DSCAML1: variants seen among roughly 807,000 people sequenced by gnomAD.
The protein encoded by DSCAML1 is cell adhesion molecule DSCAML1.
DSCAML1 carries 38 observed loss-of-function variants against 200.5 expected under a neutral mutation model. The observed-to-expected ratio is 0.19, with a 90% CI of 0.15 to 0.25. The LOEUF is 0.25. DSCAML1 is among the 10% of genes least tolerant of loss of function. DSCAML1 has a pLI of 1.00. For synonymous variants in DSCAML1, 1,215 were observed against 1,165.0 expected (o/e 1.04, Z -0.87); for missense variants, 2,223 against 2,858.8 (o/e 0.78, Z 5.07).
chr11:117,743,140 C>T (rs1332729690), intron 3 of DSCAML1, among the ~76,000 whole-genome samples: 2 of 152,140 alleles, frequency 1.3e-5, no homozygotes, highest in East Asian at 1.9e-4. Context: ...TTCTTGCCCT[C>T]GAGGCACTTC....
chr11:117,512,761 TCACACACACACACACACA>T (rs71037482), intron 8 of DSCAML1, among the ~76,000 whole-genome samples: 18 of 113,090 alleles, frequency 1.6e-4, no homozygotes, highest in African/African-American at 4.7e-4. Context: ...TCCTCTAGGA[TCACACACACACACACACA>T]CACACACACA....
intron 19 of DSCAML1, among the ~76,000 whole-genome samples, chr11:117,450,940 C>G (rs1014705606): frequency 2.0e-5 from 3 of 152,004 alleles, no homozygotes; most frequent in Non-Finnish European, 1.5e-5. Flanking sequence ...AACTGTTTGG[C>G]CAGAACCAAG....
In DSCAML1 at chr11:117,505,038, G is replaced by C. The variant is rs2049466226; in HGVS notation, c.2068C>G (p.Pro690Ala). The C allele has an allele frequency of 6.2e-7, 1 of 1,611,594 alleles. No homozygotes were observed. Among genetic ancestry groups the C allele is most frequent in the Non-Finnish European group, 8.5e-7 (1 of 1,178,652 alleles). Residue 690 changes from proline (P) to alanine (A), a missense_variant, in exon 10 of 33, where the codon CCT (proline) becomes GCT (alanine). Physicochemically the swap from Pro to Ala is conservative, Grantham distance 27 (BLOSUM62 -1). Coordinates refer to ENST00000651296, the MANE Select transcript of DSCAML1 (RefSeq NM_020693.4). The surrounding 1 kb of genome is among the most constrained non-coding windows in gnomAD (Gnocchi z 6.7). ...RERQLIVRVP[P>A]RFVVQPNNQD... ...TTGTTGGGTTGCACCACAAATCGAGGGGGCACTGCAGAAAGAGGGAAGGTA... is the reference window on the plus strand; with the variant it reads ...TTGTTGGGTTGCACCACAAATCGAGCGGGCACTGCAGAAAGAGGGAAGGTA...
chr11:117,740,435 G>C (rs904495905), intron 3 of DSCAML1, among the ~76,000 whole-genome samples: 1 of 152,158 alleles, frequency 6.6e-6, no homozygotes, highest in African/African-American at 2.4e-5. Context: ...AGGTTCTTAG[G>C]AGATGGGACT....
chr11:117,815,069 T>C (rs933625241), intron 1 of DSCAML1, among the ~76,000 whole-genome samples: 1 of 152,216 alleles, frequency 6.6e-6, no homozygotes, highest in African/African-American at 2.4e-5. Flanking sequence ...CTTTGCTTTG[T>C]CAAGTGTGTC....
At chr11:117,813,090 G>T (rs1431715036) in intron 1 of DSCAML1, among the ~76,000 whole-genome samples, 1 of 151,968 alleles carries the variant, frequency 6.6e-6, no homozygotes, top group Non-Finnish European at 1.5e-5. Context: ...ATTTTTTCAG[G>T]CTCTTAGTAT....
intron 3 of DSCAML1, among the ~76,000 whole-genome samples, chr11:117,637,397 G>C (rs979175062): frequency 1.5e-4 from 23 of 150,206 alleles, no homozygotes; most frequent in African/African-American, 5.7e-4. Context: ...CCAGGCTGGA[G>C]TGCAGTGGTG....
Position 117,438,931 on chromosome 11 carries a change from G to A in DSCAML1, c.4197C>T (p.Ile1399=). The change falls in exon 24 of 33, where the codon ATC becomes ATT. Residue 1399 remains isoleucine (I), a synonymous_variant. Transcript: ENST00000651296. ...TGTCACCTGGAATCCAGGTCAGGGT[G>A]ATGGACGAAGCTGAGGTTTTGGAGA... is the stretch of plus-strand genomic sequence containing the variant. ...LTVSKTSASS[I]TLTWIPGDNG... The A allele has an allele frequency of 6.2e-7, 1 of 1,609,894 alleles. No individual in the cohort carries two copies. Among genetic ancestry groups the A allele is most frequent in the Non-Finnish European group, 8.5e-7 (1 of 1,178,346 alleles).
At chr11:117,562,716 C>T (rs2050686868) in intron 3 of DSCAML1, among the ~76,000 whole-genome samples, 1 of 152,180 alleles carries the variant, frequency 6.6e-6, no homozygotes, top group South Asian at 2.1e-4. Context: ...CTTTTCTCCT[C>T]AGTTCCTTCT....
At chr11:117,490,446 G>A (rs1319984004) in intron 11 of DSCAML1, among the ~76,000 whole-genome samples, 2 of 152,120 alleles carry the variant, frequency 1.3e-5, no homozygotes, top group Non-Finnish European at 2.9e-5. Flanking sequence ...GAGTTCTAGG[G>A]GTCCCCAGAC....
intron 1 of DSCAML1, among the ~76,000 whole-genome samples, chr11:117,795,808 T>C (rs1421053202): frequency 1.3e-5 from 2 of 152,056 alleles, no homozygotes; most frequent in South Asian, 4.2e-4. Context: ...CAGGGCAGGG[T>C]TGGACCCCTC....
chr11:117,437,169 C>T lies in DSCAML1; in HGVS notation c.4673G>A (p.Gly1558Asp). ...ELRMRACNSA[G>D]CGNETAQFAT... ...GAACTGGGCTGTTTCATTGCCGCAGCCCGCACTGTTGCAAGCCCTCATGCG... is the reference window on the plus strand; with the variant it reads ...GAACTGGGCTGTTTCATTGCCGCAGTCCGCACTGTTGCAAGCCCTCATGCG... Residue 1558 changes from glycine (G) to aspartate (D), a missense_variant, in exon 26 of 33, where the codon GGC becomes GAC. This residue lies in a region of DSCAML1 where 614 missense variants were observed against 739.1 expected (regional missense o/e 0.83). Coordinates refer to ENST00000651296, the MANE Select transcript of DSCAML1 (RefSeq NM_020693.4). The surrounding 1 kb of genome is among the most constrained non-coding windows in gnomAD (Gnocchi z 5.3). 1 of 1,614,202 alleles carries T rather than the reference C, an allele frequency of 6.2e-7. No homozygotes were observed. Among genetic ancestry groups the T allele is most frequent in the Non-Finnish European group, 8.5e-7 (1 of 1,180,038 alleles).
intron 3 of DSCAML1, among the ~76,000 whole-genome samples, chr11:117,682,259 T>C (rs2053324664): frequency 6.6e-6 from 1 of 152,186 alleles, no homozygotes; most frequent in African/African-American, 2.4e-5. Flanking sequence ...GCCACCCGTC[T>C]GGCCTCCGCT....
intron 4 of DSCAML1, among the ~76,000 whole-genome samples, chr11:117,525,995 C>T (rs778631084): frequency 5.3e-5 from 8 of 152,204 alleles, no homozygotes; most frequent in Non-Finnish European, 1.2e-4. Flanking sequence ...TCCTCTATTT[C>T]GCATTCCAAA....
At chr11:117,528,225 C>A (rs1480905604) in intron 4 of DSCAML1, among the ~76,000 whole-genome samples, 1 of 152,108 alleles carries the variant, frequency 6.6e-6, no homozygotes, top group Admixed American at 6.6e-5. Flanking sequence ...GGAAGAATTA[C>A]TCAATGTGAC....
At chr11:117,623,366 G>C (rs550699306) in intron 3 of DSCAML1, among the ~76,000 whole-genome samples, 1 of 151,908 alleles carries the variant, frequency 6.6e-6, no homozygotes, top group African/African-American at 2.4e-5. Context: ...ACAGGAGTGC[G>C]CCATGACACC....
At chr11:117,564,705 TC>T (rs1289391477) in intron 3 of DSCAML1, among the ~76,000 whole-genome samples, 1 of 150,640 alleles carries the variant, frequency 6.6e-6, no homozygotes, top group Non-Finnish European at 1.5e-5. Context: ...TTCCTTCCTT[TC>T]TTCCTTCTTT....
At chr11:117,578,099 G>A (rs2050979315) in intron 3 of DSCAML1, among the ~76,000 whole-genome samples, 1 of 151,826 alleles carries the variant, frequency 6.6e-6, no homozygotes, top group Admixed American at 6.6e-5. Flanking sequence ...GCTGGGTGTG[G>A]TGGTGCATGA....
intron 19 of DSCAML1, among the ~76,000 whole-genome samples, chr11:117,451,061 G>A (rs574820843): frequency 1.3e-5 from 2 of 152,172 alleles, no homozygotes; most frequent in Non-Finnish European, 2.9e-5. Context: ...GTATTTAGGG[G>A]GAAAATACCC....
Sources: gnomAD v4.1 joint callset for allele counts (sites outside exome capture counted in the v4.1 genomes callset) on GRCh38, gnomAD v4.1.1 for gene constraint, gnomAD v4.1.1 regional missense constraint, Gnocchi (gnomAD v3.1) non-coding constraint, MANE v1.5 for transcripts, NCBI Gene and HGNC (gene_info 2026-07-23, HGNC 2026-07-21) for gene names.